The following KLHL3 variants were observed in gnomAD, a reference collection of about 807,000 sequenced individuals.
The protein encoded by KLHL3 is kelch-like protein 3.
A neutral mutation model predicts 70.5 loss-of-function variants in KLHL3; 19 were observed. That is an observed-to-expected ratio of 0.27 (90% CI 0.19 to 0.40). KLHL3 has a LOEUF of 0.40. Among genes scored for constraint, KLHL3 ranks in the 10% least tolerant of loss-of-function variants. KLHL3 has a pLI of 1.00. For missense variants in KLHL3, 512 were observed against 771.1 expected (o/e 0.66, Z 3.98); for synonymous variants, 258 against 290.3 (o/e 0.89, Z 1.13).
intron 4 of KLHL3, among the ~76,000 whole-genome samples, chr5:137,695,569 T>C (rs988132830): frequency 6.6e-6 from 1 of 152,170 alleles, no homozygotes; most frequent in Non-Finnish European, 1.5e-5. Context: ...AGGGATAAAT[T>C]AGGGCCCCAT....
In KLHL3 at chr5:137,639,783, G is replaced by T; in HGVS notation, c.1021+77C>A. The T allele has an allele frequency of 9.8e-7, 1 of 1,022,424 alleles. No homozygotes were observed. Among genetic ancestry groups the T allele is most frequent in the South Asian group, 1.3e-5 (1 of 76,380 alleles). 63.3% of individuals were successfully genotyped at this position (1,022,424 alleles called of 1,614,324 possible). A position where few individuals can be genotyped will look rare whatever the true frequency, so the allele number is the denominator to read the frequency against. ...AATGCACAGATGCTTGAGGAAACAAGGAGTAGCTCACGACTTCTGGCACGG... is the reference window on the plus strand; with the variant it reads ...AATGCACAGATGCTTGAGGAAACAATGAGTAGCTCACGACTTCTGGCACGG... On this transcript the variant is annotated intron_variant, in intron 9 of 14. Transcript: ENST00000309755. The surrounding 1 kb of genome is among the most constrained non-coding windows in gnomAD (Gnocchi z 5.0).
intron 6 of KLHL3, among the ~76,000 whole-genome samples, chr5:137,668,910 A>G (rs1021123808): frequency 6.7e-6 from 1 of 149,910 alleles, no homozygotes; most frequent in Non-Finnish European, 1.5e-5. Context: ...TTAAACATTT[A>G]CCAGCACACC....
At chr5:137,625,367 C>G (rs546001008) in intron 14 of KLHL3, among the ~76,000 whole-genome samples, 3 of 152,196 alleles carry the variant, frequency 2.0e-5, no homozygotes, top group African/African-American at 7.2e-5. Flanking sequence ...CAATTCGACC[C>G]TGGACAACAA....
intron 2 of KLHL3, among the ~76,000 whole-genome samples, chr5:137,720,029 C>T (rs142353437): frequency 2.9e-4 from 44 of 152,230 alleles, no homozygotes; most frequent in African/African-American, 9.9e-4. Flanking sequence ...CTGCCGGGCG[C>T]GGTGGCTCAC....
At chr5:137,696,830 G>C (rs937663968) in intron 4 of KLHL3, among the ~76,000 whole-genome samples, 1 of 152,182 alleles carries the variant, frequency 6.6e-6, no homozygotes, top group Non-Finnish European at 1.5e-5. Context: ...ATGGAATAAT[G>C]CATGTGAATT....
At chr5:137,690,041 C>G (rs993997683) in intron 5 of KLHL3, among the ~76,000 whole-genome samples, 1 of 152,214 alleles carries the variant, frequency 6.6e-6, no homozygotes, top group South Asian at 2.1e-4. Context: ...TGAAAAGAAT[C>G]TGCAGGCCAG....
At chr5:137,642,034 G>T (rs766854759) in intron 8 of KLHL3, among the ~76,000 whole-genome samples, 27 of 152,164 alleles carry the variant, frequency 1.8e-4, no homozygotes, top group Non-Finnish European at 3.4e-4. Flanking sequence ...AGTTCAAGGG[G>T]GATGTTAATG....
At chr5:137,667,938 G>C (rs962120237) in intron 6 of KLHL3, among the ~76,000 whole-genome samples, 1 of 152,188 alleles carries the variant, frequency 6.6e-6, no homozygotes, top group Non-Finnish European at 1.5e-5. Flanking sequence ...CAATCTCTGT[G>C]AAGTAGGTGT....
chr5:137,703,931 A>T (rs1752623366), intron 3 of KLHL3, among the ~76,000 whole-genome samples: 1 of 152,048 alleles, frequency 6.6e-6, no homozygotes, highest in African/African-American at 2.4e-5. Flanking sequence ...CAAGAATTTT[A>T]AAAACTATGA....
chr5:137,663,056 CTTTTTTTTT>C (rs139890036), intron 6 of KLHL3, among the ~76,000 whole-genome samples: 2 of 77,928 alleles, frequency 2.6e-5, no homozygotes, highest in African/African-American at 1.1e-4. Flanking sequence ...AGCACTCGTT[CTTTTTTTTT>C]TTTTTTTTTT....
rs1033811490 is a variant in KLHL3 at position 137,621,646 on chromosome 5, G to A, written c.*452C>T. The A allele has an allele frequency of 1.2e-5, 2 of 162,064 alleles. No individual in the cohort carries two copies. Among genetic ancestry groups the A allele is most frequent in the African/African-American group, 4.8e-5 (2 of 41,742 alleles). 10.0% of individuals were successfully genotyped at this position (162,064 alleles called of 1,614,324 possible). ...TTTAGTAGTCTCAGGGTCCCCATGG[G>A]ACAAATCCAGAAGAGAGGTCTCTGT... On this transcript the variant is annotated 3_prime_UTR_variant, in exon 15 of 15. Transcript: ENST00000309755.
intron 5 of KLHL3, among the ~76,000 whole-genome samples, chr5:137,679,420 T>C (rs899056073): frequency 2.0e-5 from 3 of 152,156 alleles, no homozygotes; most frequent in African/African-American, 7.2e-5. Flanking sequence ...CCAACATCTC[T>C]GGCCCAGAGC....
chr5:137,713,766 T>C (rs1403997910), intron 2 of KLHL3, among the ~76,000 whole-genome samples: 2 of 152,202 alleles, frequency 1.3e-5, no homozygotes, highest in African/African-American at 2.4e-5. Flanking sequence ...AAATAATTTT[T>C]TGCAAATCAT....
chr5:137,631,624 G>A (rs1469439333), intron 12 of KLHL3, among the ~76,000 whole-genome samples: 1 of 152,136 alleles, frequency 6.6e-6, no homozygotes, highest in Non-Finnish European at 1.5e-5. Context: ...ATGACCTTGG[G>A]CAAATTACTC....
At chr5:137,682,152 G>GT (rs979269572) in intron 5 of KLHL3, among the ~76,000 whole-genome samples, 8 of 152,048 alleles carry the variant, frequency 5.3e-5, no homozygotes, top group African/African-American at 1.9e-4. Context: ...CCCTACTAAA[G>GT]TGAGTATCAA....
At chr5:137,637,200 A>G (rs866174482) in intron 11 of KLHL3, 94 bp downstream of exon 11, 3 of 1,006,026 alleles carry the variant, frequency 3.0e-6, no homozygotes, top group Middle Eastern at 2.4e-4. Flanking sequence ...CAGGAAAAAA[A>G]ACACGGTAGA....
intron 8 of KLHL3, among the ~76,000 whole-genome samples, chr5:137,653,349 A>G (rs2149893415): frequency 6.6e-6 from 1 of 152,350 alleles, no homozygotes; most frequent in Middle Eastern, 3.4e-3. Flanking sequence ...ATATTTGCAC[A>G]ATATATATCT....
intron 10 of KLHL3, among the ~76,000 whole-genome samples, chr5:137,638,647 C>G (rs1044759699): frequency 6.6e-6 from 1 of 152,138 alleles, no homozygotes; most frequent in African/African-American, 2.4e-5. Context: ...ACCTGAGGCA[C>G]CCCCTAGCTA....
Position 137,693,861 on chromosome 5 carries a change from C to CT in KLHL3, c.364-1415dup, listed in dbSNP as rs35666397. Among the ~76,000 whole-genome samples, 1,407 of 144,042 alleles carry CT rather than the reference C, an allele frequency of 9.8e-3. 19 individuals carry two copies. Among genetic ancestry groups the CT allele is most frequent in the African/African-American group, 0.031 (1,236 of 39,530 alleles). The allele number at this position is 144,042 out of a possible 152,430, so 94.5% of individuals were successfully genotyped here. ...GATTCAGGACACTTGAAAAAGACTT[C>CT]TTTTTTTTTTTTTTAAGTGCTTTAA... On this transcript the variant is annotated intron_variant, in intron 4 of 14. Coordinates refer to ENST00000309755, the MANE Select transcript of KLHL3 (RefSeq NM_017415.3).
Sources: allele counts gnomAD v4.1 joint callset (sites outside exome capture counted in the v4.1 genomes callset), GRCh38; gene constraint gnomAD v4.1.1; non-coding constraint Gnocchi (gnomAD v3.1); transcripts MANE v1.5; gene names NCBI Gene and HGNC (gene_info 2026-07-23, HGNC 2026-07-21).